Variants in ECPAS observed in about 807,000 individuals in gnomAD.
ECPAS encodes the protein Ecm29 proteasome adaptor and scaffold, also known as proteasome adapter and scaffold protein ECM29.
ECPAS carries 70 observed loss-of-function variants against 255.1 expected under a neutral mutation model. The observed-to-expected ratio is 0.27, with a 90% CI of 0.23 to 0.33. The LOEUF is 0.33. ECPAS is among the 10% of genes least tolerant of loss of function. ECPAS has a pLI of 1.00. For missense variants in ECPAS, 1,817 were observed against 2,206.4 expected (o/e 0.82, Z 3.54); for synonymous variants, 784 against 775.0 (o/e 1.01, Z -0.19).
In ECPAS at chr9:111,414,618, T is replaced by C. The variant is rs763093021; in HGVS notation, c.1798A>G (p.Ser600Gly). The change falls in exon 19 of 50, where the codon AGT becomes GGT. Residue 600 changes from serine (S) to glycine (G), a missense_variant. Ser to Gly is a moderately conservative substitution (Grantham distance 56). Around this residue, in one of 4 missense-constraint regions of ECPAS, gnomAD observed 573 missense variants for 716.2 expected, o/e 0.80. Coordinates refer to ENST00000684092, the MANE Select transcript of ECPAS (RefSeq NM_001364929.1). ...VLYLRMCLAH[S>G]AGVVPTSQSL... ...TGAGAGGTGGGCACCACCCCCGCACTGTGCGCAAGGCACATGCGCAAGTAC... is the reference window on the plus strand; with the variant it reads ...TGAGAGGTGGGCACCACCCCCGCACCGTGCGCAAGGCACATGCGCAAGTAC... The C allele has an allele frequency of 1.9e-5, 30 of 1,613,660 alleles. No homozygotes were observed. In the Middle Eastern group the frequency reaches 1.2e-3, roughly 64 times the overall value.
At chr9:111,421,113 C>T (rs1309586761) in intron 15 of ECPAS, among the ~76,000 whole-genome samples, 1 of 152,134 alleles carries the variant, frequency 6.6e-6, no homozygotes, top group Non-Finnish European at 1.5e-5. Flanking sequence ...GACCATGAAC[C>T]ACATGCACTG....
chr9:111,362,303 C>A, intron 49 of ECPAS, 134 bp from the exon 50 acceptor site: 1 of 670,892 alleles, frequency 1.5e-6, no homozygotes, highest in Non-Finnish European at 2.5e-6. Context: ...TGCAAAGCAA[C>A]CTCTTGATAA....
At chr9:111,484,095 G>T in intron 1 of ECPAS, 21 bp downstream of exon 1, 1 of 1,318,342 alleles carries the variant, frequency 7.6e-7, no homozygotes, top group South Asian at 1.9e-5. Context: ...GTCCCCCGCG[G>T]CCCGGGGGCG....
chr9:111,384,474 C>T (rs779250327), intron 34 of ECPAS, 48 bp downstream of exon 34: 60 of 1,539,772 alleles, frequency 3.9e-5, no homozygotes, highest in Non-Finnish European at 5.1e-5. Context: ...GTCATGGTCA[C>T]CCAGAACCCT....
chr9:111,384,485 GCTC>G, intron 34 of ECPAS, 34 bp downstream of exon 34: 2 of 1,581,220 alleles, frequency 1.3e-6, no homozygotes, highest in South Asian at 2.2e-5. Context: ...CCAGAACCCT[GCTC>G]CACTCCATTC....
In ECPAS at chr9:111,412,104, C is replaced by A; in HGVS notation, c.2124G>T (p.Ala708=). 1 of 1,594,130 alleles carries A rather than the reference C, an allele frequency of 6.3e-7. No homozygotes were observed. Among genetic ancestry groups the A allele is most frequent in the Non-Finnish European group, 8.5e-7 (1 of 1,174,448 alleles). ...NSKEEMRELA[A]LFYSVVVSTV... ...TTGATACCACTACAGAATAAAACAA[C>A]GCTGCCAGTTCGCGCATTTCTTCTT... The change falls in exon 21 of 50, where the codon GCG becomes GCT. Residue 708 remains alanine (A), a synonymous_variant. Coordinates refer to ENST00000684092, the MANE Select transcript of ECPAS (RefSeq NM_001364929.1).
chr9:111,478,351 A>AC (rs1195581474), intron 1 of ECPAS, among the ~76,000 whole-genome samples: 2 of 145,174 alleles, frequency 1.4e-5, no homozygotes, highest in Non-Finnish European at 3.0e-5. Context: ...ACATGGTGAA[A>AC]CCCCGTCTCT....
chr9:111,430,691 A>T (rs1419240425), intron 8 of ECPAS, 63 bp from the exon 9 acceptor site: 29 of 1,001,188 alleles, frequency 2.9e-5, no homozygotes, highest in Non-Finnish European at 4.2e-5. Context: ...TGATTTCAAA[A>T]AAATTATAGC....
chr9:111,448,462 G>T (rs1406616877), intron 3 of ECPAS, among the ~76,000 whole-genome samples: 4 of 152,120 alleles, frequency 2.6e-5, no homozygotes, highest in African/African-American at 9.7e-5. Context: ...ATAAAGACAA[G>T]ATGTTAAACT....
Position 111,450,239 on chromosome 9 carries a change from G to A in ECPAS, c.153+1186C>T, listed in dbSNP as rs61228467. On this transcript the variant is annotated intron_variant, in intron 3 of 49. Transcript: ENST00000684092. The stretch of plus-strand genomic sequence containing the variant: ...AAGTATACAGAAATCAACTCACGAA[G>A]GGCCTCTTAGACCTTGCTATCCTAA... Among the ~76,000 whole-genome samples the A allele has an allele frequency of 3.0e-3, 460 of 152,178 alleles. 3 individuals carry two copies. Among genetic ancestry groups the A allele is most frequent in the African/African-American group, 0.01 (416 of 41,506 alleles).
intron 1 of ECPAS, among the ~76,000 whole-genome samples, chr9:111,476,975 T>A (rs1302447260): frequency 6.6e-6 from 1 of 152,054 alleles, no homozygotes; most frequent in Non-Finnish European, 1.5e-5. Context: ...CCTAATTTTG[T>A]ATTTTTAGTA....
intron 4 of ECPAS, 128 bp downstream of exon 4, chr9:111,444,250 A>C (rs1564549868): frequency 3.3e-6 from 2 of 606,110 alleles, no homozygotes; most frequent in Non-Finnish European, 5.8e-6. Flanking sequence ...AAAAAAAAAA[A>C]AACTCATGTT....
At chr9:111,478,408 T>C (rs557111113) in intron 1 of ECPAS, among the ~76,000 whole-genome samples, 1 of 152,064 alleles carries the variant, frequency 6.6e-6, no homozygotes, top group South Asian at 2.1e-4. Flanking sequence ...ACACCTGTAA[T>C]CCCAGCTACT....
intron 49 of ECPAS, among the ~76,000 whole-genome samples, chr9:111,362,678 T>C (rs990494031): frequency 3.3e-5 from 5 of 152,130 alleles, no homozygotes; most frequent in African/African-American, 1.2e-4. Flanking sequence ...AATAAGAAAG[T>C]ATATCAAATC....
chr9:111,456,289 C>T (rs2098266842), intron 2 of ECPAS, among the ~76,000 whole-genome samples: 1 of 152,124 alleles, frequency 6.6e-6, no homozygotes, highest in African/African-American at 2.4e-5. Context: ...GAAAACAGAA[C>T]TGAAGAAGAC....
chr9:111,439,496 T>C (rs572340856), intron 6 of ECPAS, among the ~76,000 whole-genome samples: 1 of 152,156 alleles, frequency 6.6e-6, no homozygotes, highest in Non-Finnish European at 1.5e-5. Flanking sequence ...CTCAAACTTC[T>C]GGGCTCAAGG....
chr9:111,377,655 T>C (rs1391541713), intron 36 of ECPAS, among the ~76,000 whole-genome samples: 1 of 152,210 alleles, frequency 6.6e-6, no homozygotes, highest in Admixed American at 6.5e-5. Context: ...TCTGATACTA[T>C]TTTTAAATTA....
chr9:111,403,993 A>G (rs192940053), intron 24 of ECPAS, among the ~76,000 whole-genome samples: 7 of 149,934 alleles, frequency 4.7e-5, no homozygotes, highest in Non-Finnish European at 8.8e-5. Context: ...AAATTAAACA[A>G]CACGTTCCTG....
intron 10 of ECPAS, among the ~76,000 whole-genome samples, chr9:111,427,547 T>C (rs906086050): frequency 1.3e-5 from 2 of 152,248 alleles, no homozygotes; most frequent in Non-Finnish European, 2.9e-5. Flanking sequence ...CAGAAGTGTT[T>C]TGAGATTTCA....
Sources: allele counts gnomAD v4.1 joint callset (sites outside exome capture counted in the v4.1 genomes callset), GRCh38; gene constraint gnomAD v4.1.1; regional missense constraint gnomAD v4.1.1; transcripts MANE v1.5; gene names NCBI Gene and HGNC (gene_info 2026-07-23, HGNC 2026-07-21).